The following KLHL5 variants were observed in gnomAD, a reference collection of about 807,000 sequenced individuals.
The protein encoded by KLHL5 is kelch like family member 5.
In KLHL5, 48 loss-of-function variants were observed where a neutral mutation model predicts 77.7. The observed-to-expected ratio is 0.62, with a 90% CI of 0.49 to 0.79. The LOEUF (loss-of-function observed/expected upper bound fraction) is 0.79, where lower values mean the gene tolerates loss of function less well. Ranked by LOEUF, KLHL5 falls within the 30% of genes least tolerant of loss-of-function variation. The pLI is 0.00. For missense variants in KLHL5, 723 were observed against 859.7 expected, an observed-to-expected ratio of 0.84 and a Z score of 1.99; for synonymous variants, 260 against 297.0, an observed-to-expected ratio of 0.88 and a Z score of 1.28.
chr4:39,081,358 C>T lies in KLHL5; in HGVS notation c.703+119C>T. ...ACAGTTAGTTCTGCTATTGTCATTA[C>T]TACCCTTTGTATTTAACCTGGTGAT... On this transcript the variant is annotated intron_variant, in intron 3 of 10. Transcript: ENST00000504108. This position sits in a 1 kb window ranked among gnomAD's most constrained non-coding sequence, Gnocchi z 4.3. 2.8e-6 allele frequency: 2 copies of T among 721,046 alleles called. No individual in the cohort carries two copies. The highest frequency in any genetic ancestry group is 4.2e-6 in the Non-Finnish European group (2 of 478,652). The allele number at this position is 721,046 out of a possible 1,614,324, so 44.7% of individuals were successfully genotyped here. A position where few individuals can be genotyped will look rare whatever the true frequency, so the allele number is the denominator to read the frequency against.
At chr4:39,130,478 T>A (rs565384043), downstream of KLHL5, among the ~76,000 whole-genome samples, 8 of 152,188 alleles carry the variant, frequency 5.3e-5, no homozygotes, top group Non-Finnish European at 1.0e-4. Context: ...CATGTCACAG[T>A]GCTGCAGAGA....
At chr4:39,051,287 A>G (rs1033805540) in intron 1 of KLHL5, among the ~76,000 whole-genome samples, 2 of 152,154 alleles carry the variant, frequency 1.3e-5, no homozygotes, top group Non-Finnish European at 2.9e-5. Flanking sequence ...CCTGTTTGAA[A>G]AATATCCATA....
chr4:39,082,246 C>A, intron 4 of KLHL5, 87 bp downstream of exon 4: 2 of 1,064,912 alleles, frequency 1.9e-6, no homozygotes, highest in South Asian at 1.8e-5. Flanking sequence ...ACTGTTTTCC[C>A]ATGGCTCTGC....
chr4:39,107,561 C>A lies in KLHL5; in HGVS notation c.1526-8C>A. 6.3e-7 allele frequency: 1 copy of A among 1,595,722 alleles called. No homozygotes were observed. The highest frequency in any genetic ancestry group is 8.6e-7 in the Non-Finnish European group (1 of 1,168,716). On this transcript the variant is annotated splice_polypyrimidine_tract_variant and splice_region_variant and intron_variant, in intron 7 of 10. Coordinates refer to ENST00000504108, the MANE Select transcript of KLHL5 (RefSeq NM_015990.5). The stretch of plus-strand genomic sequence containing the variant: ...TGAAGTCGTTAATTGTTTCCTGTCT[C>A]CTCATAGGTGTGGCTGTACTGGAAG...
At chr4:39,078,661 C>G (rs984770753) in intron 2 of KLHL5, among the ~76,000 whole-genome samples, 1 of 152,114 alleles carries the variant, frequency 6.6e-6, no homozygotes, top group Non-Finnish European at 1.5e-5. Context: ...TGCCACTGCA[C>G]TCCAGCCTGG....
intron 1 of KLHL5, among the ~76,000 whole-genome samples, chr4:39,053,987 T>C (rs577800406): frequency 2.0e-5 from 3 of 152,330 alleles, no homozygotes; most frequent in African/African-American, 7.2e-5. Context: ...TAACTGCAGT[T>C]ACGATGAACT....
intron 5 of KLHL5, among the ~76,000 whole-genome samples, chr4:39,087,526 C>T (rs1289585037): frequency 7.3e-6 from 1 of 137,420 alleles, no homozygotes; most frequent in Non-Finnish European, 1.7e-5. Flanking sequence ...CTGACTACCT[C>T]ACAGGATTAT....
At chr4:39,120,649 CATA>C (rs1250658888) in intron 10 of KLHL5, among the ~76,000 whole-genome samples, 2 of 152,208 alleles carry the variant, frequency 1.3e-5, no homozygotes, top group African/African-American at 4.8e-5. Context: ...ATCTTTCCTC[CATA>C]TTGGTCACAG....
chr4:39,073,681 G>A (rs1718709028), intron 1 of KLHL5, among the ~76,000 whole-genome samples: 1 of 151,870 alleles, frequency 6.6e-6, no homozygotes. Context: ...GTCTCACTCT[G>A]TCGCCCAGGC....
At chr4:39,138,357 G>A in the KLHL5 span, among the ~76,000 whole-genome samples, 8 of 152,244 alleles carry the variant, frequency 5.3e-5, no homozygotes, top group Admixed American at 1.3e-4. Flanking sequence ...CACCCTAAAT[G>A]CCCATCAATG....
the KLHL5 span, among the ~76,000 whole-genome samples, chr4:39,143,087 A>G: frequency 1.3e-5 from 2 of 152,082 alleles, no homozygotes; most frequent in Non-Finnish European, 2.9e-5. Flanking sequence ...ATCTGATTAA[A>G]CTGTATGGAT....
At chr4:39,046,396 G>A (rs1393729480) in intron 1 of KLHL5, among the ~76,000 whole-genome samples, 1 of 152,146 alleles carries the variant, frequency 6.6e-6, no homozygotes, top group Non-Finnish European at 1.5e-5. Context: ...ATGAGTCACA[G>A]TTTGGGCCTT....
Position 39,062,926 on chromosome 4 carries a change from G to A in KLHL5, c.274G>A (p.Ala92Thr), listed in dbSNP as rs1717565660. The A allele has an allele frequency of 6.2e-7, 1 of 1,614,156 alleles. No homozygotes were observed. Among genetic ancestry groups the A allele is most frequent in the Non-Finnish European group, 8.5e-7 (1 of 1,180,010 alleles). ...AATGGCATCCACCTCTGAAGTCCCT[G>A]CATTTGAGTTTACAGCAGAAGATTG... ...WPMASTSEVP[A>T]FEFTAEDCGG... The change falls in exon 1 of 11, where the codon GCA becomes ACA. Residue 92 changes from alanine to threonine, a missense_variant. Around this residue, in one of 3 missense-constraint regions of KLHL5, gnomAD observed 221 missense variants for 222.1 expected, o/e 1.00. Transcript: ENST00000504108.
At chr4:39,048,152 G>T (rs1002968754) in intron 1 of KLHL5, among the ~76,000 whole-genome samples, 1 of 152,156 alleles carries the variant, frequency 6.6e-6, no homozygotes, top group African/African-American at 2.4e-5. Context: ...GAGTATGGAA[G>T]GCAAGGAATT....
chr4:39,130,733 A>G (rs927530715), downstream of KLHL5, among the ~76,000 whole-genome samples: 14 of 152,232 alleles, frequency 9.2e-5, no homozygotes, highest in East Asian at 1.9e-3. Context: ...TGACTCACCA[A>G]CTTCTTCAAA....
chr4:39,100,793 GT>G (rs896856193), intron 6 of KLHL5, among the ~76,000 whole-genome samples: 8 of 151,956 alleles, frequency 5.3e-5, no homozygotes, highest in African/African-American at 1.9e-4. Flanking sequence ...TTATTTCTGA[GT>G]TTTTTTAGTG....
At position 39,124,690 on chromosome 4, in the gene KLHL5, G is replaced by A. The variant is rs1256229262; in HGVS notation, c.*3624G>A. Among the ~76,000 whole-genome samples, 4 of 148,682 alleles carry A rather than the reference G, an allele frequency of 2.7e-5. No individual in the cohort carries two copies. Among genetic ancestry groups the A allele is most frequent in the African/African-American group, 9.9e-5 (4 of 40,588 alleles). ...TTCAAAATAGATCAAAGACCTAAAT[G>A]TAAGAGCTAAAACCATAAAACTTTG... is the stretch of plus-strand genomic sequence containing the variant. On this transcript the variant is annotated 3_prime_UTR_variant, in exon 11 of 11. Transcript: ENST00000504108.
At chr4:39,056,482 G>T (rs1339527173) in intron 1 of KLHL5, among the ~76,000 whole-genome samples, 1 of 152,188 alleles carries the variant, frequency 6.6e-6, no homozygotes, top group Non-Finnish European at 1.5e-5. Flanking sequence ...CAAAGTGAAA[G>T]ATTTAACATG....
At chr4:39,072,473 C>T (rs1718571123) in intron 1 of KLHL5, among the ~76,000 whole-genome samples, 1 of 152,188 alleles carries the variant, frequency 6.6e-6, no homozygotes, top group Non-Finnish European at 1.5e-5. Context: ...ACCAGCACTG[C>T]ACAATGGAAC....
Sources: allele counts gnomAD v4.1 joint callset (sites outside exome capture counted in the v4.1 genomes callset), GRCh38; gene constraint gnomAD v4.1.1; regional missense constraint gnomAD v4.1.1; non-coding constraint Gnocchi (gnomAD v3.1); transcripts MANE v1.5; gene names NCBI Gene and HGNC (gene_info 2026-07-23, HGNC 2026-07-21).